CSMD3: variants seen among roughly 807,000 people sequenced by gnomAD.
CSMD3 encodes CUB and Sushi multiple domains 3, also known as CUB and sushi domain-containing protein 3.
CSMD3 carries 177 observed loss-of-function variants against 435.2 expected under a neutral mutation model. The observed-to-expected ratio is 0.41, with a 90% CI of 0.36 to 0.46. The LOEUF is 0.46. Among genes scored for constraint, CSMD3 ranks in the 20% least tolerant of loss-of-function variants. The pLI, the probability that CSMD3 is intolerant of heterozygous loss-of-function variation, is 0.34. For synonymous variants in CSMD3, 1,656 were observed against 1,520.5 expected (o/e 1.09, Z -2.07); for missense variants, 4,265 against 4,504.6 (o/e 0.95, Z 1.52).
In CSMD3 at chr8:112,518,629, TGA is replaced by T. The variant is rs3080191; in HGVS notation, c.4565-1406_4565-1405del. Among the ~76,000 whole-genome samples, 1,006 of 124,132 alleles carry T rather than the reference TGA, an allele frequency of 8.1e-3. 6 individuals are homozygous for T. The highest frequency in any genetic ancestry group is 0.032 in the South Asian group (119 of 3,764). 81.4% of individuals were successfully genotyped at this position (124,132 alleles called of 152,430 possible). ...AATGGTGTGTGTGTGTGTGTGTGTG[TGA>T]GAGAGAGAGAGAGAGAGAGAGAGAG... is the stretch of plus-strand genomic sequence containing the variant. On this transcript the variant is annotated intron_variant, in intron 27 of 70. Transcript: ENST00000297405.
chr8:112,645,272 A>T (rs2074948506), intron 19 of CSMD3, 47 bp from the exon 20 acceptor site: 2 of 1,029,832 alleles, frequency 1.9e-6, no homozygotes, highest in East Asian at 2.4e-5. Flanking sequence ...TGAGAGAGAC[A>T]GAGGGTGAAC....
At chr8:112,569,119 A>G (rs1018430425) in intron 24 of CSMD3, among the ~76,000 whole-genome samples, 1 of 152,154 alleles carries the variant, frequency 6.6e-6, no homozygotes, top group South Asian at 2.1e-4. Context: ...CCCAGGAAAG[A>G]TTTTGTATTT....
intron 5 of CSMD3, among the ~76,000 whole-genome samples, chr8:113,068,839 T>C (rs1453878921): frequency 6.6e-6 from 1 of 152,160 alleles, no homozygotes; most frequent in Non-Finnish European, 1.5e-5. Flanking sequence ...TTCTTGCTAT[T>C]TTTTCTTCTA....
chr8:112,248,513 A>C (rs1420226258), intron 63 of CSMD3, among the ~76,000 whole-genome samples: 1 of 152,150 alleles, frequency 6.6e-6, no homozygotes, highest in Non-Finnish European at 1.5e-5. Context: ...GGAGGATGAG[A>C]TAAGGGATAT....
intron 7 of CSMD3, among the ~76,000 whole-genome samples, chr8:112,973,350 C>A (rs1177337659): frequency 6.6e-6 from 1 of 151,906 alleles, no homozygotes; most frequent in African/African-American, 2.4e-5. Flanking sequence ...TTAAAAGACT[C>A]ACTCTCTGCA....
chr8:113,103,983 T>C (rs943604750), intron 4 of CSMD3, among the ~76,000 whole-genome samples: 4 of 152,104 alleles, frequency 2.6e-5, no homozygotes, highest in East Asian at 1.9e-4. Flanking sequence ...CACCATTTCA[T>C]TGAACATAAT....
chr8:112,711,714 T>C (rs1285206741), intron 13 of CSMD3, among the ~76,000 whole-genome samples: 3 of 152,110 alleles, frequency 2.0e-5, no homozygotes, highest in Admixed American at 2.0e-4. Context: ...AAAAATACAA[T>C]TTGTATATCA....
At chr8:112,990,423 T>C (rs1045869483) in intron 6 of CSMD3, among the ~76,000 whole-genome samples, 1 of 151,960 alleles carries the variant, frequency 6.6e-6, no homozygotes, top group African/African-American at 2.4e-5. Flanking sequence ...TCACAAGCCA[T>C]GTTTAACTGA....
chr8:112,790,203 ATCATT>A (rs2078651943), intron 13 of CSMD3, among the ~76,000 whole-genome samples: 1 of 152,068 alleles, frequency 6.6e-6, no homozygotes, highest in African/African-American at 2.4e-5. Context: ...CTTGCCAGAT[ATCATT>A]TCATTTCTCC....
At chr8:113,179,718 T>C (rs773182867) in intron 3 of CSMD3, among the ~76,000 whole-genome samples, 2 of 151,774 alleles carry the variant, frequency 1.3e-5, no homozygotes, top group Non-Finnish European at 2.9e-5. Flanking sequence ...TAAAATGCAA[T>C]TTAAATCTTG....
chr8:113,007,941 C>T (rs921975467), intron 6 of CSMD3, among the ~76,000 whole-genome samples: 1 of 151,516 alleles, frequency 6.6e-6, no homozygotes, highest in Non-Finnish European at 1.5e-5. Flanking sequence ...ACTATTAACC[C>T]CCTTATGTAA....
At position 112,827,160 on chromosome 8, in the gene CSMD3, CATAAATATATATAT is replaced by C. The variant is rs1281046452; in HGVS notation, c.1859+2512_1859+2525del. Among the ~76,000 whole-genome samples, 145 of 38,702 alleles carry C rather than the reference CATAAATATATATAT, an allele frequency of 3.7e-3. 6 individuals carry two copies. Among genetic ancestry groups the C allele is most frequent in the South Asian group, 0.015 (13 of 854 alleles). The allele number at this position is 38,702 out of a possible 152,430, so 25.4% of individuals were successfully genotyped here. ...TTTCTTCTGTATTTTACTAGGTTAC[CATAAATATATATAT>C]ATATATATATATATATATATATATA... On this transcript the variant is annotated intron_variant, in intron 12 of 70. Coordinates refer to ENST00000297405, the MANE Select transcript of CSMD3 (RefSeq NM_198123.2).
At chr8:112,663,782 T>C (rs1329256161) in intron 17 of CSMD3, among the ~76,000 whole-genome samples, 2 of 152,110 alleles carry the variant, frequency 1.3e-5, no homozygotes, top group East Asian at 3.9e-4. Context: ...AATAATCCTC[T>C]TTCATTGTCA....
chr8:112,921,527 G>A (rs1345778602), intron 10 of CSMD3, 100 bp downstream of exon 10: 1 of 1,020,512 alleles, frequency 9.8e-7, no homozygotes, highest in Non-Finnish European at 1.5e-6. Flanking sequence ...TTTCCTTAAA[G>A]ATTATATTAC....
chr8:113,286,917 G>C (rs995763780), intron 2 of CSMD3, among the ~76,000 whole-genome samples: 7 of 151,982 alleles, frequency 4.6e-5, no homozygotes, highest in Admixed American at 1.3e-4. Flanking sequence ...GGAAAGGAGA[G>C]AGGACGAGGA....
intron 22 of CSMD3, among the ~76,000 whole-genome samples, chr8:112,590,305 G>A (rs1040710977): frequency 2.0e-5 from 3 of 152,016 alleles, no homozygotes; most frequent in Non-Finnish European, 4.4e-5. Context: ...GCCCTGACCT[G>A]TCCTGAATAG....
At chr8:112,482,247 G>C (rs1197873818) in intron 31 of CSMD3, among the ~76,000 whole-genome samples, 3 of 152,116 alleles carry the variant, frequency 2.0e-5, no homozygotes, top group Middle Eastern at 3.2e-3. Flanking sequence ...AAAGTCCTAT[G>C]AACAGCTATA....
At chr8:112,644,915 T>C (rs1461846884) in intron 20 of CSMD3, among the ~76,000 whole-genome samples, 194 bp downstream of exon 20, 1 of 152,110 alleles carries the variant, frequency 6.6e-6, no homozygotes, top group Non-Finnish European at 1.5e-5. Context: ...GGTAAAAACA[T>C]GAGCACAATA....
At chr8:112,846,964 C>G (rs894795828) in intron 11 of CSMD3, among the ~76,000 whole-genome samples, 2 of 151,946 alleles carry the variant, frequency 1.3e-5, no homozygotes, top group Non-Finnish European at 2.9e-5. Context: ...AAATAGTGAC[C>G]AGAGCTACTT....
Sources: gnomAD v4.1 joint callset for allele counts (sites outside exome capture counted in the v4.1 genomes callset) on GRCh38, gnomAD v4.1.1 for gene constraint, MANE v1.5 for transcripts, NCBI Gene and HGNC (gene_info 2026-07-23, HGNC 2026-07-21) for gene names.